ASAP1: variants seen among roughly 807,000 people sequenced by gnomAD.
The protein encoded by ASAP1 is arf-GAP with SH3 domain, ANK repeat and PH domain-containing protein 1.
ASAP1 carries 43 observed loss-of-function variants against 145.2 expected under a neutral mutation model. That is an observed-to-expected ratio of 0.30 (90% CI 0.23 to 0.38). The LOEUF is 0.38. Among genes scored for constraint, ASAP1 ranks in the 10% least tolerant of loss-of-function variants. ASAP1 has a pLI of 1.00. For missense variants in ASAP1, 1,018 were observed against 1,355.3 expected, an observed-to-expected ratio of 0.75 and a Z score of 3.91; for synonymous variants, 546 against 515.5, an observed-to-expected ratio of 1.06 and a Z score of -0.80.
At chr8:130,249,727 T>C (rs1819075997) in intron 3 of ASAP1, among the ~76,000 whole-genome samples, 1 of 152,138 alleles carries the variant, frequency 6.6e-6, no homozygotes, top group African/African-American at 2.4e-5. Context: ...TGTATGTGTT[T>C]ATTTATATAT....
chr8:130,179,701 T>C (rs1248011386), intron 8 of ASAP1, among the ~76,000 whole-genome samples: 1 of 152,136 alleles, frequency 6.6e-6, no homozygotes, highest in African/African-American at 2.4e-5. Flanking sequence ...GTACGCAGAA[T>C]AGCATTCTCA....
chr8:130,242,751 T>C (rs919509256), intron 3 of ASAP1, among the ~76,000 whole-genome samples: 1 of 152,120 alleles, frequency 6.6e-6, no homozygotes, highest in Non-Finnish European at 1.5e-5. Context: ...CACTGTCCAA[T>C]GTGATCATGA....
At chr8:130,309,992 C>T (rs1489398653) in intron 3 of ASAP1, among the ~76,000 whole-genome samples, 3 of 152,134 alleles carry the variant, frequency 2.0e-5, no homozygotes, top group Non-Finnish European at 1.5e-5. Flanking sequence ...AGGCTCTTTT[C>T]TAAATCGTAA....
At chr8:130,212,136 C>G (rs1816623652) in intron 5 of ASAP1, among the ~76,000 whole-genome samples, 1 of 152,186 alleles carries the variant, frequency 6.6e-6, no homozygotes, top group Admixed American at 6.5e-5. Flanking sequence ...AAGTTGCTGG[C>G]TGTTGTCAAG....
At chr8:130,259,211 T>A (rs1274609586) in intron 3 of ASAP1, among the ~76,000 whole-genome samples, 1 of 152,206 alleles carries the variant, frequency 6.6e-6, no homozygotes, top group Non-Finnish European at 1.5e-5. Flanking sequence ...TGCTTTGGGA[T>A]TTCTAAATAT....
chr8:130,309,648 T>G (rs1586803808), intron 3 of ASAP1, among the ~76,000 whole-genome samples: 1 of 152,024 alleles, frequency 6.6e-6, no homozygotes, highest in Middle Eastern at 3.4e-3. Flanking sequence ...ATGCAGAGGG[T>G]AGCACAAAGA....
intron 4 of ASAP1, among the ~76,000 whole-genome samples, chr8:130,220,035 C>A (rs533527279): frequency 6.6e-6 from 1 of 152,206 alleles, no homozygotes; most frequent in African/African-American, 2.4e-5. Context: ...GTGTTCCTCC[C>A]ACATTGGCCA....
rs572815433 is a variant in ASAP1 at position 130,315,469 on chromosome 8, T to A, written c.186+42548A>T. 5.3e-5 allele frequency among the ~76,000 whole-genome samples: 8 copies of A among 152,270 alleles called. No homozygotes were observed. In the South Asian group the frequency reaches 1.7e-3, roughly 32 times the overall value. ...AAACCAGGACTATCCACTAATAATG[T>A]TCAGAATTGCAACAAATAGGAAGAA... On this transcript the variant is annotated intron_variant, in intron 3 of 29. Coordinates refer to ENST00000518721, the MANE Select transcript of ASAP1 (RefSeq NM_018482.4).
At chr8:130,323,855 T>C (rs902547430) in intron 3 of ASAP1, among the ~76,000 whole-genome samples, 2 of 152,022 alleles carry the variant, frequency 1.3e-5, no homozygotes, top group African/African-American at 4.8e-5. Context: ...TACTGCCTAA[T>C]AGATTACCAG....
rs1554828645 is a variant in ASAP1 at position 130,128,154 on chromosome 8, T to TC, written c.1218-65_1218-64insG. On this transcript the variant is annotated intron_variant, in intron 15 of 29. Transcript: ENST00000518721. ...GAGCATGGTCATTTTTTTTTTTTTT[T>TC]TTTTTTTTTTGCCACTGCAAAAAAA... The TC allele has an allele frequency of 4.2e-5, 40 of 947,064 alleles. No homozygotes were observed. In the African/African-American group the frequency reaches 6.1e-4, roughly 14 times the overall value. 58.7% of individuals were successfully genotyped at this position (947,064 alleles called of 1,614,324 possible).
chr8:130,399,354 C>T (rs1247603028), intron 2 of ASAP1, among the ~76,000 whole-genome samples: 2 of 152,086 alleles, frequency 1.3e-5, no homozygotes, highest in East Asian at 3.9e-4. Context: ...AAACCTAATT[C>T]TAATAATGCA....
chr8:130,351,532 A>C (rs553366022), intron 3 of ASAP1, among the ~76,000 whole-genome samples: 66 of 152,308 alleles, frequency 4.3e-4, no homozygotes, highest in African/African-American at 1.6e-3. Context: ...TGCAGGCTGT[A>C]CAAGCATGGC....
At chr8:130,284,866 C>CACACAT (rs1821504176) in intron 3 of ASAP1, among the ~76,000 whole-genome samples, 1 of 149,862 alleles carries the variant, frequency 6.7e-6, no homozygotes, top group Admixed American at 6.8e-5. Context: ...CACACACACA[C>CACACAT]ACACACACAC....
chr8:130,237,471 C>T (rs553775428), intron 3 of ASAP1, among the ~76,000 whole-genome samples: 124 of 151,704 alleles, frequency 8.2e-4, no homozygotes, highest in Non-Finnish European at 1.3e-3. Flanking sequence ...TTTCACAGTG[C>T]TTTTAAGTTT....
At chr8:130,194,858 T>TCAGC (rs1815373428) in intron 5 of ASAP1, among the ~76,000 whole-genome samples, 1 of 151,682 alleles carries the variant, frequency 6.6e-6, no homozygotes, top group Admixed American at 6.6e-5. Context: ...AGACAATGAG[T>TCAGC]CAGCAGGGGT....
In ASAP1 at chr8:130,052,438, T is replaced by C. The variant is rs907565413; in HGVS notation, c.*2293A>G. 1.3e-5 allele frequency: 2 copies of C among 152,602 alleles called. No individual in the cohort carries two copies. The highest frequency in any genetic ancestry group is 4.8e-5 in the African/African-American group (2 of 41,570). 9.5% of individuals were successfully genotyped at this position (152,602 alleles called of 1,614,324 possible). A position where few individuals can be genotyped will look rare whatever the true frequency, so the allele number is the denominator to read the frequency against. On this transcript the variant is annotated 3_prime_UTR_variant, in exon 30 of 30. Coordinates refer to ENST00000518721, the MANE Select transcript of ASAP1 (RefSeq NM_018482.4). ...TATTTTTTTTTCATAAGGTTCCATA[T>C]CTTCAAAATACTATATAATGTACAA...
At chr8:130,197,366 C>T (rs1278558850) in intron 5 of ASAP1, among the ~76,000 whole-genome samples, 15 of 152,186 alleles carry the variant, frequency 9.9e-5, no homozygotes. Context: ...GAGGTTGAGG[C>T]TGCAGTGAGC....
At chr8:130,097,942 T>C (rs915809809) in intron 24 of ASAP1, among the ~76,000 whole-genome samples, 1 of 152,188 alleles carries the variant, frequency 6.6e-6, no homozygotes, top group Admixed American at 6.5e-5. Flanking sequence ...TAAATAGATA[T>C]AAATATACCT....
chr8:130,251,384 C>T (rs1819188293), intron 3 of ASAP1, among the ~76,000 whole-genome samples: 1 of 152,008 alleles, frequency 6.6e-6, no homozygotes, highest in Non-Finnish European at 1.5e-5. Context: ...AGCCACTGCT[C>T]TCAAGCCTGG....
Sources: allele counts gnomAD v4.1 joint callset (sites outside exome capture counted in the v4.1 genomes callset), GRCh38; gene constraint gnomAD v4.1.1; transcripts MANE v1.5; gene names NCBI Gene and HGNC (gene_info 2026-07-23, HGNC 2026-07-21).